Variants in AKAP17A observed in about 807,000 individuals in gnomAD.
AKAP17A encodes A-kinase anchor protein 17A.
Under a neutral mutation model 52.2 loss-of-function variants are expected in AKAP17A, and 15 were observed. The observed-to-expected ratio is 0.29, with a 90% CI of 0.19 to 0.44. The LOEUF (loss-of-function observed/expected upper bound fraction) is 0.44, where lower values mean the gene tolerates loss of function less well. Ranked by LOEUF, AKAP17A falls within the 20% of genes least tolerant of loss-of-function variation. The probability of loss-of-function intolerance (pLI) is 1.00; values close to 1 mark genes in which losing one functional copy is unlikely to be tolerated. For missense variants in AKAP17A, 1,060 were observed against 1,007.0 expected (o/e 1.05, Z -0.71); for synonymous variants, 514 against 424.7 (o/e 1.21, Z -2.58).
intron 3 of AKAP17A, among the ~76,000 whole-genome samples, chrX:1,597,676 C>T (rs188171726): frequency 3.8e-4 from 53 of 137,740 alleles, no homozygotes; most frequent in Admixed American, 2.4e-3. Flanking sequence ...GGAGTGTCCC[C>T]GCAACATTTC....
chrX:1,600,949 C>T lies in AKAP17A; in HGVS notation c.1443C>T (p.Ala481=). Residue 481 remains alanine (A), a synonymous_variant, in exon 5 of 5, where the codon GCC becomes GCT. Transcript: ENST00000313871. ...LQTVSSGCVS[A]TTLHPLGGQP... The stretch of plus-strand genomic sequence containing the variant: ...CCGTGTCGTCCGGCTGTGTGAGCGC[C>T]ACCACGCTGCACCCCCTCGGGGGCC... The T allele has an allele frequency of 4.4e-6, 7 of 1,583,124 alleles. No individual in the cohort carries two copies. The highest frequency in any genetic ancestry group is 5.1e-6 in the Non-Finnish European group (6 of 1,167,124).
At chrX:1,595,566 T>G in intron 3 of AKAP17A, 34 bp downstream of exon 3, 1 of 1,612,528 alleles carries the variant, frequency 6.2e-7, no homozygotes, top group Non-Finnish European at 8.5e-7. Flanking sequence ...TCGGCGCTGG[T>G]GTCCGGCACC....
intron 3 of AKAP17A, among the ~76,000 whole-genome samples, chrX:1,596,473 GTGGATT>G (rs1569350700): frequency 3.1e-5 from 2 of 64,004 alleles, no homozygotes; most frequent in Admixed American, 1.5e-4. Flanking sequence ...TCCTAGTGAG[GTGGATT>G]CCTCCTCCTC....
In AKAP17A at chrX:1,593,731, A is replaced by G. The variant is rs1932882200; in HGVS notation, c.269A>G (p.Lys90Arg). Reference protein sequence around the residue: ...EGEVENKSLVKSFLACLDGKT... With the variant: ...EGEVENKSLVRSFLACLDGKT... ...GAGGTGGAGAACAAGAGCCTGGTCA[A>G]GTCTTTTCTGGCCTGCCTGGACGGC... Residue 90 changes from lysine (K) to arginine (R), a missense_variant, in exon 2 of 5, where the codon AAG (lysine) becomes AGG (arginine). Lys to Arg is a conservative substitution (Grantham distance 26, BLOSUM62 2). This residue lies in a region of AKAP17A where 267 missense variants were observed against 377.1 expected (regional missense o/e 0.71). Transcript: ENST00000313871. 1 of 1,613,998 alleles carries G rather than the reference A, an allele frequency of 6.2e-7. No homozygotes were observed. The highest frequency in any genetic ancestry group is 8.5e-7 in the Non-Finnish European group (1 of 1,179,872).
At chrX:1,599,150 C>G in intron 3 of AKAP17A, 42 bp from the exon 4 acceptor site, 12 of 1,600,254 alleles carry the variant, frequency 7.5e-6, no homozygotes, top group Non-Finnish European at 1.0e-5. Flanking sequence ...GGTGTGTTGG[C>G]TGCGGCGCTC....
chrX:1,601,180 G>C lies in AKAP17A; in HGVS notation c.1674G>C (p.Lys558Asn), dbSNP rs143814605. ...SCIPDNNQQP[K>N]GIPACEQNVS... ...TTCCTGACAACAACCAACAGCCCAA[G>C]GGCATCCCTGCCTGCGAGCAGAATG... is the stretch of plus-strand genomic sequence containing the variant. The change falls in exon 5 of 5, where the codon AAG becomes AAC. Residue 558 changes from lysine to asparagine, a missense_variant. By Grantham distance (94) the Lys-to-Asn change is moderately conservative (BLOSUM62 0). Around this residue, in one of 2 missense-constraint regions of AKAP17A, gnomAD observed 793 missense variants for 629.9 expected, o/e 1.26. Transcript: ENST00000313871. The C allele has an allele frequency of 3.8e-5, 61 of 1,613,778 alleles. No homozygotes were observed. Among genetic ancestry groups the C allele is most frequent in the Non-Finnish European group, 5.1e-5 (60 of 1,179,802 alleles).
intron 2 of AKAP17A, 132 bp downstream of exon 2, chrX:1,594,356 G>C: frequency 9.3e-7 from 1 of 1,077,340 alleles, no homozygotes; most frequent in South Asian, 2.0e-5. Context: ...GGCAGCAACA[G>C]TCCTGTGCCT....
At chrX:1,594,986 G>T (rs143354652) in intron 2 of AKAP17A, among the ~76,000 whole-genome samples, 8 of 152,184 alleles carry the variant, frequency 5.3e-5, no homozygotes, top group African/African-American at 1.9e-4. Context: ...GGGTTTTGTG[G>T]CCTTAAGATG....
At chrX:1,598,502 G>T (rs1253196502) in intron 3 of AKAP17A, among the ~76,000 whole-genome samples, 1 of 152,134 alleles carries the variant, frequency 6.6e-6, no homozygotes, top group Non-Finnish European at 1.5e-5. Flanking sequence ...GAACAGCTGC[G>T]ACTTGTTCCC....
chrX:1,593,362 A>G, intron 1 of AKAP17A, 82 bp from the exon 2 acceptor site: 1 of 1,402,686 alleles, frequency 7.1e-7, no homozygotes, highest in South Asian at 1.3e-5. Flanking sequence ...CGGGTCCAGA[A>G]AGTGCCTGCT....
chrX:1,593,894 G>A lies in AKAP17A; in HGVS notation c.432G>A (p.Glu144=). 6.2e-7 allele frequency: 1 copy of A among 1,612,314 alleles called. No individual in the cohort carries two copies. Among genetic ancestry groups the A allele is most frequent in the Non-Finnish European group, 8.5e-7 (1 of 1,178,956 alleles). The change falls in exon 2 of 5, where the codon GAG becomes GAA. Residue 144 remains glutamate (E), a synonymous_variant. Coordinates refer to ENST00000313871, the MANE Select transcript of AKAP17A (RefSeq NM_005088.3). The part of the protein sequence containing the change: ...AKDMNETLPG[E]RPDTIHLEGL... ...ACATGAACGAGACCCTGCCGGGGGA[G>A]CGGCCGGACACCATCCACCTGGAGG...
At chrX:1,600,333 C>A in intron 4 of AKAP17A, 2 of 728,510 alleles carry the variant, frequency 2.7e-6, no homozygotes, top group Non-Finnish European at 2.2e-6. Flanking sequence ...ACCGCAGGCG[C>A]CTGTGTGCAA....
At chrX:1,599,070 A>G in intron 3 of AKAP17A, 122 bp from the exon 4 acceptor site, 1 of 1,455,136 alleles carries the variant, frequency 6.9e-7, no homozygotes, top group Non-Finnish European at 9.2e-7. Flanking sequence ...CTTGGGATAA[A>G]GAGTTAAATG....
At position 1,602,462 on chromosome X, in the gene AKAP17A, G is replaced by A. The variant is rs1222331095; in HGVS notation, c.*868G>A. The A allele has an allele frequency of 5.3e-5, 8 of 152,184 alleles. No individual in the cohort carries two copies. Among genetic ancestry groups the A allele is most frequent in the Non-Finnish European group, 8.8e-5 (6 of 68,034 alleles). 9.4% of individuals were successfully genotyped at this position (152,184 alleles called of 1,614,324 possible). A position where few individuals can be genotyped will look rare whatever the true frequency, so the allele number is the denominator to read the frequency against. On this transcript the variant is annotated 3_prime_UTR_variant, in exon 5 of 5. Transcript: ENST00000313871. The stretch of plus-strand genomic sequence containing the variant: ...TGTAACGTTCGCGTTAGGAAAGATG[G>A]TGTTTATTCCAGTTTGCATTTTTAT...
chrX:1,597,279 A>G (rs190133961), intron 3 of AKAP17A, among the ~76,000 whole-genome samples: 223 of 151,824 alleles, frequency 1.5e-3, no homozygotes, highest in Middle Eastern at 3.4e-3. Flanking sequence ...CTGAATCTGA[A>G]CCCCGAGGGC....
At chrX:1,596,892 G>GTGAGGTGGATTCCTCCTCCTCCTTCTCCA (rs1569351213) in intron 3 of AKAP17A, among the ~76,000 whole-genome samples, 1,316 of 105,436 alleles carry the variant, frequency 0.012, 40 homozygotes, top group Middle Eastern at 0.021. Context: ...CTCCTTCTCC[G>GTGAGGTGGATTCCTCCTCCTCCTTCTCCA]TCCCTCCCAC....
In AKAP17A at chrX:1,601,230, A is replaced by G; in HGVS notation, c.1724A>G (p.Glu575Gly). 1 of 1,613,866 alleles carries G rather than the reference A, an allele frequency of 6.2e-7. No homozygotes were observed. The highest frequency in any genetic ancestry group is 1.1e-5 in the South Asian group (1 of 91,084). ...QNVSRKDTRS[E>G]QDKCNREPSK... Reference sequence around the variant, plus strand: ...GTCTCCAGAAAGGACACCCGGTCAGAACAGGACAAGTGCAACCGGGAGCCC... The same window carrying G: ...GTCTCCAGAAAGGACACCCGGTCAGGACAGGACAAGTGCAACCGGGAGCCC... Residue 575 changes from glutamate (E) to glycine (G), a missense_variant, in exon 5 of 5, where the codon GAA (glutamate) becomes GGA (glycine). Coordinates refer to ENST00000313871, the MANE Select transcript of AKAP17A (RefSeq NM_005088.3).
intron 3 of AKAP17A, among the ~76,000 whole-genome samples, chrX:1,598,455 G>A (rs745870181): frequency 6.6e-6 from 1 of 152,160 alleles, no homozygotes; most frequent in African/African-American, 2.4e-5. Context: ...GCCCACCCGG[G>A]CTTCAGAAGT....
chrX:1,598,451 C>G (rs1172845402), intron 3 of AKAP17A, among the ~76,000 whole-genome samples: 1 of 152,156 alleles, frequency 6.6e-6, no homozygotes, highest in East Asian at 1.9e-4. Flanking sequence ...CGGCGCCCAC[C>G]CGGGCTTCAG....
Sources: gnomAD v4.1 joint callset for allele counts (sites outside exome capture counted in the v4.1 genomes callset) on GRCh38, gnomAD v4.1.1 for gene constraint, gnomAD v4.1.1 regional missense constraint, MANE v1.5 for transcripts, NCBI Gene and HGNC (gene_info 2026-07-23, HGNC 2026-07-21) for gene names.